Variants in DRC11 observed in about 807,000 individuals in gnomAD.
DRC11 encodes the protein dynein regulatory complex subunit 11, also known as IQ and AAA domain-containing protein 1.
At chr2:236,307,072 G>A in the DRC11 span, among the ~76,000 whole-genome samples, 1 of 152,110 alleles carries the variant, frequency 6.6e-6, no homozygotes, top group Non-Finnish European at 1.5e-5. This position sits in a 1 kb window ranked among gnomAD's most constrained non-coding sequence, Gnocchi z 7.0. Context: ...AGAGATGTTT[G>A]TCCTCAGAGT....
At chr2:236,408,465 C>T in the DRC11 span, 1 of 739,308 alleles carries the variant, frequency 1.4e-6, no homozygotes, top group African/African-American at 1.7e-5. The surrounding 1 kb of genome is among the most constrained non-coding windows in gnomAD (Gnocchi z 5.5). Flanking sequence ...CAGGTATGGG[C>T]TGCTCTAGCC....
chr2:236,411,770 A>G, the DRC11 span, among the ~76,000 whole-genome samples: 1 of 148,462 alleles, frequency 6.7e-6, no homozygotes, highest in African/African-American at 2.5e-5. Flanking sequence ...ATTGGAAATC[A>G]TCATTCTCAG....
chr2:236,421,720 G>C, the DRC11 span, among the ~76,000 whole-genome samples: 1 of 152,150 alleles, frequency 6.6e-6, no homozygotes, highest in African/African-American at 2.4e-5. Context: ...TGAGGCCAGC[G>C]TTATCTTGAT....
At chr2:236,425,407 A>G in the DRC11 span, among the ~76,000 whole-genome samples, 1 of 151,876 alleles carries the variant, frequency 6.6e-6, no homozygotes. Flanking sequence ...TGCGTTCAGC[A>G]TTTTTCCATA....
At chr2:236,441,168 C>G in the DRC11 span, 5 of 1,276,100 alleles carry the variant, frequency 3.9e-6, no homozygotes, top group South Asian at 6.4e-5. Context: ...ATGAAGTCCT[C>G]TCTTGTTATA....
the DRC11 span, among the ~76,000 whole-genome samples, chr2:236,502,909 T>C: frequency 1.3e-5 from 2 of 151,436 alleles, no homozygotes; most frequent in African/African-American, 2.4e-5. Context: ...GAGCCGAGAT[T>C]GCACCACTGC....
the DRC11 span, among the ~76,000 whole-genome samples, chr2:236,374,783 C>T: frequency 2.0e-5 from 3 of 151,880 alleles, no homozygotes; most frequent in Non-Finnish European, 4.4e-5. Context: ...CTCCACCTCC[C>T]GGGTTCAAGC....
the DRC11 span, among the ~76,000 whole-genome samples, chr2:236,451,298 T>C: frequency 3.9e-5 from 6 of 151,976 alleles, no homozygotes; most frequent in Non-Finnish European, 8.8e-5. Flanking sequence ...CATTAAGCTG[T>C]CTTGTTTAAA....
At chr2:236,372,090 C>T in the DRC11 span, among the ~76,000 whole-genome samples, 1 of 152,238 alleles carries the variant, frequency 6.6e-6, no homozygotes, top group East Asian at 1.9e-4. The surrounding 1 kb of genome is among the most constrained non-coding windows in gnomAD (Gnocchi z 4.5). Flanking sequence ...GAATACTTGC[C>T]AGAGGTGCTT....
At chr2:236,486,668 G>C in the DRC11 span, among the ~76,000 whole-genome samples, 1 of 152,104 alleles carries the variant, frequency 6.6e-6, no homozygotes, top group African/African-American at 2.4e-5. The surrounding 1 kb of genome is among the most constrained non-coding windows in gnomAD (Gnocchi z 5.7). Context: ...GATCTCTTCA[G>C]ATCTCCCTGG....
the DRC11 span, among the ~76,000 whole-genome samples, chr2:236,448,190 C>T: frequency 6.6e-6 from 1 of 152,154 alleles, no homozygotes; most frequent in African/African-American, 2.4e-5. The surrounding 1 kb of genome is among the most constrained non-coding windows in gnomAD (Gnocchi z 5.3). Context: ...TAACATCCCC[C>T]TTTTTCTCCA....
the DRC11 span, among the ~76,000 whole-genome samples, chr2:236,370,876 A>T: frequency 6.6e-6 from 1 of 152,086 alleles, no homozygotes; most frequent in Non-Finnish European, 1.5e-5. The surrounding 1 kb of genome is among the most constrained non-coding windows in gnomAD (Gnocchi z 5.5). Context: ...TCTGCAGTGC[A>T]GGCTTTGCAT....
the DRC11 span, among the ~76,000 whole-genome samples, chr2:236,421,049 G>C: frequency 6.6e-6 from 1 of 152,152 alleles, no homozygotes; most frequent in Non-Finnish European, 1.5e-5. Context: ...TGGTTGCAAA[G>C]AACATCTTTA....
At chr2:236,418,706 A>G in the DRC11 span, among the ~76,000 whole-genome samples, 33 of 152,358 alleles carry the variant, frequency 2.2e-4, 1 homozygote, top group African/African-American at 7.7e-4. Context: ...CTTCTGTTAA[A>G]ATATATCCAG....
At chr2:236,439,567 A>C in the DRC11 span, among the ~76,000 whole-genome samples, 1 of 152,130 alleles carries the variant, frequency 6.6e-6, no homozygotes, top group African/African-American at 2.4e-5. Context: ...TGTCAGTGTA[A>C]TTCTGTACAA....
chr2:236,383,638 T>G, the DRC11 span, among the ~76,000 whole-genome samples: 2 of 152,048 alleles, frequency 1.3e-5, no homozygotes, highest in African/African-American at 2.4e-5. Context: ...TGGTCATTTT[T>G]TTTTTTTTTG....
chr2:236,363,734 T>C, the DRC11 span: 1 of 1,403,906 alleles, frequency 7.1e-7, no homozygotes, highest in Non-Finnish European at 1.0e-6. The surrounding 1 kb of genome is among the most constrained non-coding windows in gnomAD (Gnocchi z 5.6). Context: ...GAAAATGTAA[T>C]TTGAAAGAGG....
chr2:236,484,606 T>C, the DRC11 span, among the ~76,000 whole-genome samples: 1 of 152,148 alleles, frequency 6.6e-6, no homozygotes, highest in African/African-American at 2.4e-5. Flanking sequence ...TTGGCTTTTT[T>C]TTTTTTTGTA....
the DRC11 span, among the ~76,000 whole-genome samples, chr2:236,445,753 T>C: frequency 1.3e-5 from 2 of 152,176 alleles, no homozygotes; most frequent in East Asian, 1.9e-4. The surrounding 1 kb of genome is among the most constrained non-coding windows in gnomAD (Gnocchi z 4.8). Flanking sequence ...AAAACTGTTG[T>C]AGGGTACACA....
Sources: allele counts gnomAD v4.1 joint callset (sites outside exome capture counted in the v4.1 genomes callset), GRCh38; gene constraint gnomAD v4.1.1; non-coding constraint Gnocchi (gnomAD v3.1); transcripts MANE v1.5; gene names NCBI Gene and HGNC (gene_info 2026-07-23, HGNC 2026-07-21).